Variants in PCDH9 observed in about 807,000 individuals in gnomAD.
The protein encoded by PCDH9 is protocadherin-9.
PCDH9 carries 24 observed loss-of-function variants against 70.6 expected under a neutral mutation model. That is an observed-to-expected ratio of 0.34 (90% CI 0.25 to 0.48). The LOEUF is 0.48. Ranked by LOEUF, PCDH9 falls within the 20% of genes least tolerant of loss-of-function variation. PCDH9 has a pLI of 0.99. For missense variants in PCDH9, 1,281 were observed against 1,503.6 expected, an observed-to-expected ratio of 0.85 and a Z score of 2.45; for synonymous variants, 562 against 558.5, an observed-to-expected ratio of 1.01 and a Z score of -0.09.
intron 2 of PCDH9, among the ~76,000 whole-genome samples, chr13:67,115,159 T>C (rs1420546625): frequency 6.6e-6 from 1 of 152,242 alleles, no homozygotes; most frequent in Non-Finnish European, 1.5e-5. Flanking sequence ...GTAAATGATA[T>C]TCTGTAATCA....
intron 4 of PCDH9, among the ~76,000 whole-genome samples, chr13:66,598,643 T>C (rs1451624293): frequency 6.6e-6 from 1 of 151,818 alleles, no homozygotes; most frequent in African/African-American, 2.4e-5. Flanking sequence ...ATTTGCAGCA[T>C]AGCAACTACT....
intron 2 of PCDH9, among the ~76,000 whole-genome samples, chr13:67,128,687 G>T (rs2087036975): frequency 6.6e-6 from 1 of 152,172 alleles, no homozygotes; most frequent in Non-Finnish European, 1.5e-5. Context: ...AGGAAGTAGA[G>T]CCTCTGTTAC....
intron 2 of PCDH9, among the ~76,000 whole-genome samples, chr13:66,995,770 T>C (rs532107472): frequency 2.0e-5 from 3 of 152,298 alleles, no homozygotes; most frequent in East Asian, 1.9e-4. Context: ...ATATCAAATA[T>C]ACTCGAGCAG....
intron 3 of PCDH9, among the ~76,000 whole-genome samples, chr13:66,777,583 A>G (rs1489024150): frequency 6.6e-6 from 1 of 152,128 alleles, no homozygotes; most frequent in East Asian, 1.9e-4. Flanking sequence ...ACAGTGAGAT[A>G]CCATCTCACA....
chr13:67,001,567 C>G (rs2084245013), intron 2 of PCDH9, among the ~76,000 whole-genome samples: 1 of 151,790 alleles, frequency 6.6e-6, no homozygotes, highest in Non-Finnish European at 1.5e-5. Flanking sequence ...AATGTCAATC[C>G]CCTTGGTTTA....
intron 3 of PCDH9, among the ~76,000 whole-genome samples, chr13:66,730,936 G>T (rs1295100659): frequency 7.4e-6 from 1 of 134,318 alleles, no homozygotes; most frequent in Admixed American, 8.8e-5. Flanking sequence ...TGCTGCCGAG[G>T]CTGTCTCAAA....
At chr13:67,190,565 T>C (rs1019504897) in intron 2 of PCDH9, among the ~76,000 whole-genome samples, 6 of 152,042 alleles carry the variant, frequency 3.9e-5, no homozygotes, top group Non-Finnish European at 8.8e-5. Flanking sequence ...CTTTCTAAGG[T>C]AGAACTTTGG....
intron 3 of PCDH9, among the ~76,000 whole-genome samples, chr13:66,700,520 C>T (rs1484806698): frequency 6.6e-6 from 1 of 152,122 alleles, no homozygotes; most frequent in African/African-American, 2.4e-5. Context: ...TATTGTTTTA[C>T]TGCAAGCTCT....
chr13:66,862,003 T>A (rs2081492712), intron 3 of PCDH9, among the ~76,000 whole-genome samples: 1 of 152,222 alleles, frequency 6.6e-6, no homozygotes, highest in Non-Finnish European at 1.5e-5. Flanking sequence ...AAAATGAGAA[T>A]TCCATAACCT....
intron 4 of PCDH9, among the ~76,000 whole-genome samples, chr13:66,376,114 C>T (rs1360386424): frequency 6.6e-6 from 1 of 152,038 alleles, no homozygotes; most frequent in African/African-American, 2.4e-5. Flanking sequence ...CCAGATTTAC[C>T]ACTACCAAAA....
chr13:66,824,651 G>GATATATATATATATAT (rs67211029), intron 3 of PCDH9, among the ~76,000 whole-genome samples: 3 of 99,074 alleles, frequency 3.0e-5, no homozygotes, highest in African/African-American at 9.5e-5. Flanking sequence ...GCGAAACTCT[G>GATATATATATATATAT]ATATATATAT....
intron 4 of PCDH9, among the ~76,000 whole-genome samples, chr13:66,469,179 C>T (rs1413279970): frequency 6.6e-6 from 1 of 152,002 alleles, no homozygotes; most frequent in Non-Finnish European, 1.5e-5. Flanking sequence ...TCATCGTATT[C>T]CTTCAGAGCT....
chr13:66,653,422 A>G (rs917099351), intron 3 of PCDH9, among the ~76,000 whole-genome samples: 2 of 152,210 alleles, frequency 1.3e-5, no homozygotes, highest in Admixed American at 1.3e-4. Flanking sequence ...GCTCAACATC[A>G]TTGATCATCA....
intron 4 of PCDH9, among the ~76,000 whole-genome samples, chr13:66,541,704 T>G (rs2138658649): frequency 6.6e-6 from 1 of 152,298 alleles, no homozygotes; most frequent in East Asian, 1.9e-4. Flanking sequence ...CTTAACCAAT[T>G]ACTTCTGCAA....
At chr13:67,132,530 A>C (rs2138334145) in intron 2 of PCDH9, among the ~76,000 whole-genome samples, 1 of 152,288 alleles carries the variant, frequency 6.6e-6, no homozygotes, top group South Asian at 2.1e-4. Flanking sequence ...TAAATCAATA[A>C]ATTAAGAAGT....
intron 2 of PCDH9, among the ~76,000 whole-genome samples, chr13:67,191,115 A>G (rs549981972): frequency 6.6e-6 from 1 of 152,218 alleles, no homozygotes; most frequent in South Asian, 2.1e-4. Context: ...TGTCTTGAAG[A>G]TATCCCTCTT....
intron 3 of PCDH9, among the ~76,000 whole-genome samples, chr13:66,760,203 G>A (rs919257093): frequency 2.0e-5 from 3 of 152,030 alleles, no homozygotes; most frequent in African/African-American, 7.2e-5. Context: ...TGTTTCTGTA[G>A]AGAAGTCCTC....
chr13:66,865,576 C>A (rs535374012), intron 3 of PCDH9, among the ~76,000 whole-genome samples: 33 of 152,222 alleles, frequency 2.2e-4, no homozygotes, highest in African/African-American at 7.7e-4. Flanking sequence ...AGATAATAGA[C>A]ATTTGATAAT....
chr13:67,018,966 T>C (rs2084619692), intron 2 of PCDH9, among the ~76,000 whole-genome samples: 1 of 152,286 alleles, frequency 6.6e-6, no homozygotes, highest in Middle Eastern at 3.4e-3. Context: ...TATCACCACC[T>C]GCCCTAGTTG....
Sources: gnomAD v4.1 joint callset for allele counts (sites outside exome capture counted in the v4.1 genomes callset) on GRCh38, gnomAD v4.1.1 for gene constraint, MANE v1.5 for transcripts, NCBI Gene and HGNC (gene_info 2026-07-23, HGNC 2026-07-21) for gene names.